The following ZNF709 variants were observed in gnomAD, a reference collection of about 807,000 sequenced individuals.
ZNF709 encodes the protein zinc finger protein 709.
A neutral mutation model predicts 10.6 loss-of-function variants in ZNF709; 15 were observed. That is an observed-to-expected ratio of 1.41 (90% CI 0.95 to 2.18). ZNF709 has a LOEUF of 2.18. Among genes scored for constraint, ZNF709 ranks in the 30% most tolerant of loss-of-function variants. The probability of loss-of-function intolerance (pLI) is 0.00; values close to 1 mark genes in which losing one functional copy is unlikely to be tolerated. For missense variants in ZNF709, 589 were observed against 774.0 expected, an observed-to-expected ratio of 0.76 and a Z score of 2.84; for synonymous variants, 194 against 238.8, an observed-to-expected ratio of 0.81 and a Z score of 1.73.
At chr19:12,480,692 A>AG (rs1164508314) in intron 1 of ZNF709, among the ~76,000 whole-genome samples, 1 of 152,008 alleles carries the variant, frequency 6.6e-6, no homozygotes, top group East Asian at 1.9e-4. Context: ...CAAAAAAAAA[A>AG]AAAAAAGTTC....
At chr19:12,479,063 C>T (rs762651089) in intron 1 of ZNF709, among the ~76,000 whole-genome samples, 14 of 152,172 alleles carry the variant, frequency 9.2e-5, no homozygotes, top group Non-Finnish European at 1.9e-4. Context: ...AGTGCTTTGA[C>T]AGGCTGAGGC....
Position 12,465,714 on chromosome 19 carries a change from G to GCT in ZNF709, c.207_208insAG (p.Leu70SerfsTer31). 1 of 1,581,754 alleles carries GCT rather than the reference G, an allele frequency of 6.3e-7. No homozygotes were observed. The highest frequency in any genetic ancestry group is 1.4e-5 in the African/African-American group (1 of 73,518). On this transcript the variant is annotated frameshift_variant, in exon 4 of 4. Coordinates refer to ENST00000397732, the MANE Select transcript of ZNF709 (RefSeq NM_152601.4). LOFTEE classifies it low-confidence loss of function (END_TRUNC). ...TGACTACCTTCTTTCCTTTCACAGA[G>GCT]CCTCTCTACCATATGACTTCTGTGA...
chr19:12,462,391 C>T lies in ZNF709; in HGVS notation c.*1605G>A, dbSNP rs553088240. On this transcript the variant is annotated 3_prime_UTR_variant, in exon 4 of 4. Coordinates refer to ENST00000397732, the MANE Select transcript of ZNF709 (RefSeq NM_152601.4). Reference sequence around the variant, plus strand: ...ATAGAAAACATAGGTCACAACATAACCCATGTTAACACAATCCAGGACAGC... The same window carrying T: ...ATAGAAAACATAGGTCACAACATAATCCATGTTAACACAATCCAGGACAGC... 3 of 152,268 alleles carry T rather than the reference C, an allele frequency of 2.0e-5. No individual in the cohort carries two copies. In the South Asian group the frequency reaches 6.2e-4, roughly 32 times the overall value. The allele number at this position is 152,268 out of a possible 1,614,324, so 9.4% of individuals were successfully genotyped here. A position where few individuals can be genotyped will look rare whatever the true frequency, so the allele number is the denominator to read the frequency against.
Position 12,465,139 on chromosome 19 carries a change from G to C in ZNF709, c.783C>G (p.Phe261Leu). 1 of 1,611,914 alleles carries C rather than the reference G, an allele frequency of 6.2e-7. No individual in the cohort carries two copies. Among genetic ancestry groups the C allele is most frequent in the African/African-American group, 1.3e-5 (1 of 74,822 alleles). ...PYECKQCGKA[F>L]RYYQTFQIHE... ...GTATTTGAAAAGTTTGGTAATATCT[G>C]AAAGCTTTTCCACATTGTTTACATT... The change falls in exon 4 of 4, where the codon TTC becomes TTG. Residue 261 changes from phenylalanine to leucine, a missense_variant. By Grantham distance (22) the Phe-to-Leu change is conservative. Transcript: ENST00000397732.
At chr19:12,474,358 T>C (rs530711049) in intron 1 of ZNF709, among the ~76,000 whole-genome samples, 1 of 152,358 alleles carries the variant, frequency 6.6e-6, no homozygotes, top group South Asian at 2.1e-4. Context: ...GTGTTGTCAA[T>C]GGCAGGATTT....
chr19:12,471,107 A>G (rs551970415), intron 1 of ZNF709, among the ~76,000 whole-genome samples: 1 of 152,202 alleles, frequency 6.6e-6, no homozygotes, highest in South Asian at 2.1e-4. Context: ...GAGCTTCCCT[A>G]GCAGACAATA....
At chr19:12,483,890 G>A (rs929013429) in intron 1 of ZNF709, among the ~76,000 whole-genome samples, 1 of 126,794 alleles carries the variant, frequency 7.9e-6, no homozygotes, top group Non-Finnish European at 1.9e-5. Flanking sequence ...CCAAAAAGGA[G>A]ACTCAACCCA....
chr19:12,467,905 C>A (rs1440948009), intron 1 of ZNF709, among the ~76,000 whole-genome samples: 1 of 151,736 alleles, frequency 6.6e-6, no homozygotes, highest in Non-Finnish European at 1.5e-5. Flanking sequence ...CATCTCCGCC[C>A]GGCAGCCACC....
intron 1 of ZNF709, among the ~76,000 whole-genome samples, chr19:12,481,426 G>A (rs1013640085): frequency 5.9e-5 from 9 of 151,858 alleles, no homozygotes; most frequent in Non-Finnish European, 8.8e-5. Flanking sequence ...TTTTAGTAGC[G>A]ACAGGGTTTC....
At chr19:12,481,682 T>C (rs1280462043) in intron 1 of ZNF709, among the ~76,000 whole-genome samples, 4 of 151,682 alleles carry the variant, frequency 2.6e-5, no homozygotes, top group African/African-American at 7.3e-5. Flanking sequence ...GCTGCTGTAA[T>C]AGTCAGCAAA....
At chr19:12,467,600 C>T (rs1205083687) in intron 1 of ZNF709, among the ~76,000 whole-genome samples, 3 of 151,730 alleles carry the variant, frequency 2.0e-5, no homozygotes, top group Non-Finnish European at 1.5e-5. Flanking sequence ...GCCTGGCCGC[C>T]CATCGTCTGG....
Position 12,484,767 on chromosome 19 carries a change from A to C in ZNF709, c.-110T>G. 11 of 1,468,990 alleles carry C rather than the reference A, an allele frequency of 7.5e-6. No individual in the cohort carries two copies. The highest frequency in any genetic ancestry group is 1.0e-5 in the Non-Finnish European group (11 of 1,052,652). 91.0% of individuals were successfully genotyped at this position (1,468,990 alleles called of 1,614,324 possible). On this transcript the variant is annotated 5_prime_UTR_variant, in exon 1 of 4. Transcript: ENST00000397732. ...CACCTGAGGGCCTTCTGGGGTGAGG[A>C]GACCCCAGAGCGGAGCGCAGCGGCT...
intron 1 of ZNF709, among the ~76,000 whole-genome samples, chr19:12,468,666 C>A (rs1332054625): frequency 7.1e-6 from 1 of 140,944 alleles, no homozygotes; most frequent in Non-Finnish European, 1.5e-5. Context: ...TCCCCCTCTG[C>A]GAGAAACACC....
rs762466645 is a variant in ZNF709 at position 12,465,024 on chromosome 19, T to C, written c.898A>G (p.Arg300Gly). Reference protein sequence around the residue: ...SCPTSFRSHERIHTGEKPYKC... With the variant: ...SCPTSFRSHEGIHTGEKPYKC... Reference sequence around the variant, plus strand: ...TAGGGTTTTTCTCCAGTGTGAATCCTTTCATGACTTCGAAAGGATGTGGGA... The same window carrying C: ...TAGGGTTTTTCTCCAGTGTGAATCCCTTCATGACTTCGAAAGGATGTGGGA... Residue 300 changes from arginine to glycine, a missense_variant, in exon 4 of 4, where the codon AGG (arginine) becomes GGG (glycine). Transcript: ENST00000397732. 3 of 1,611,942 alleles carry C rather than the reference T, an allele frequency of 1.9e-6. No homozygotes were observed. Among genetic ancestry groups the C allele is most frequent in the Non-Finnish European group, 2.5e-6 (3 of 1,179,350 alleles).
At position 12,484,766 on chromosome 19, in the gene ZNF709, G is replaced by T; in HGVS notation, c.-109C>A. ...CCACCTGAGGGCCTTCTGGGGTGAG[G>T]AGACCCCAGAGCGGAGCGCAGCGGC... is the stretch of plus-strand genomic sequence containing the variant. On this transcript the variant is annotated 5_prime_UTR_variant, in exon 1 of 4. Transcript: ENST00000397732. 6.8e-7 allele frequency: 1 copy of T among 1,470,062 alleles called. No individual in the cohort carries two copies. The highest frequency in any genetic ancestry group is 2.3e-5 in the East Asian group (1 of 43,822). The allele number at this position is 1,470,062 out of a possible 1,614,324, so 91.1% of individuals were successfully genotyped here.
intron 3 of ZNF709, among the ~76,000 whole-genome samples, chr19:12,466,172 C>T (rs996284296): frequency 4.6e-5 from 7 of 152,172 alleles, no homozygotes; most frequent in Non-Finnish European, 1.0e-4. Flanking sequence ...ACCTCCACAC[C>T]TCAGGTGATC....
chr19:12,473,773 TG>T (rs1970654531), intron 1 of ZNF709, among the ~76,000 whole-genome samples: 3 of 152,232 alleles, frequency 2.0e-5, no homozygotes, highest in African/African-American at 7.2e-5. Context: ...CTAGGCACAG[TG>T]GCTCACACCT....
intron 1 of ZNF709, among the ~76,000 whole-genome samples, chr19:12,476,443 C>G (rs1970678908): frequency 6.6e-6 from 1 of 150,874 alleles, no homozygotes; most frequent in African/African-American, 2.4e-5. Context: ...TGAAGAAAAT[C>G]TAGGTGACCC....
intron 2 of ZNF709, 28 bp from the exon 3 acceptor site, chr19:12,466,547 A>T (rs757854416): frequency 3.1e-6 from 5 of 1,612,758 alleles, no homozygotes; most frequent in Non-Finnish European, 4.2e-6. Context: ...AAAAATCATT[A>T]AACCTATTCG....
Sources: allele counts gnomAD v4.1 joint callset (sites outside exome capture counted in the v4.1 genomes callset), GRCh38; gene constraint gnomAD v4.1.1; transcripts MANE v1.5; gene names NCBI Gene and HGNC (gene_info 2026-07-23, HGNC 2026-07-21).